Variants in CDH13 observed in about 807,000 individuals in gnomAD.
CDH13 encodes the protein cadherin-13.
CDH13 carries 24 observed loss-of-function variants against 63.8 expected under a neutral mutation model. The observed-to-expected ratio is 0.38, with a 90% CI of 0.27 to 0.53. CDH13 has a LOEUF of 0.53. Ranked by LOEUF, CDH13 falls within the 20% of genes least tolerant of loss-of-function variation. CDH13 has a pLI of 0.85. For missense variants in CDH13, 1,049 were observed against 903.1 expected (o/e 1.16, Z -2.07); for synonymous variants, 503 against 355.3 (o/e 1.42, Z -4.67).
chr16:83,559,021 G>C (rs556694227), intron 7 of CDH13, among the ~76,000 whole-genome samples: 3 of 152,260 alleles, frequency 2.0e-5, no homozygotes, highest in African/African-American at 7.2e-5. Context: ...AGTCATGCTG[G>C]AGCCCTCTCC....
intron 5 of CDH13, among the ~76,000 whole-genome samples, chr16:83,293,520 C>T (rs958614649): frequency 2.0e-5 from 3 of 152,128 alleles, no homozygotes; most frequent in Non-Finnish European, 4.4e-5. Context: ...TCTAGAATGT[C>T]GTCATCTTTA....
intron 5 of CDH13, among the ~76,000 whole-genome samples, chr16:83,240,120 A>G (rs1027168853): frequency 2.0e-5 from 3 of 152,116 alleles, no homozygotes; most frequent in South Asian, 2.1e-4. Context: ...GGCAAATCCT[A>G]TGGAAAGATT....
chr16:83,038,493 C>T (rs1300636403), intron 3 of CDH13, among the ~76,000 whole-genome samples: 3 of 152,116 alleles, frequency 2.0e-5, no homozygotes, highest in African/African-American at 7.2e-5. Flanking sequence ...TGAGGTTAAC[C>T]TTCCGTGCAC....
chr16:83,628,279 C>T (rs1235484050), intron 8 of CDH13, among the ~76,000 whole-genome samples: 1 of 152,120 alleles, frequency 6.6e-6, no homozygotes, highest in Admixed American at 6.5e-5. Flanking sequence ...GCTAATTTTG[C>T]ATATTTTTTG....
chr16:83,562,292 T>C (rs1468691985), intron 7 of CDH13, among the ~76,000 whole-genome samples: 1 of 152,150 alleles, frequency 6.6e-6, no homozygotes, highest in African/African-American at 2.4e-5. Flanking sequence ...TAAGAACTTT[T>C]CATCTTCCTG....
intron 5 of CDH13, among the ~76,000 whole-genome samples, chr16:83,271,447 A>AAAAAAAAAAAAAAAAAC (rs2088809938): frequency 7.3e-6 from 1 of 137,074 alleles, no homozygotes; most frequent in Non-Finnish European, 1.6e-5. Context: ...AAAAAAAAAA[A>AAAAAAAAAAAAAAAAAC]AAAAATTCAT....
chr16:82,801,783 A>G (rs954183730), intron 1 of CDH13, among the ~76,000 whole-genome samples: 3 of 152,232 alleles, frequency 2.0e-5, no homozygotes, highest in Non-Finnish European at 2.9e-5. Context: ...TGTTGAATCT[A>G]TACAGGTGTA....
At chr16:82,749,670 A>G (rs1417597662) in intron 1 of CDH13, among the ~76,000 whole-genome samples, 1 of 152,134 alleles carries the variant, frequency 6.6e-6, no homozygotes. Context: ...TTATGTATAT[A>G]TTTTCCTTGA....
At chr16:83,559,481 G>C (rs1283438566) in intron 7 of CDH13, among the ~76,000 whole-genome samples, 1 of 152,084 alleles carries the variant, frequency 6.6e-6, no homozygotes, top group African/African-American at 2.4e-5. Context: ...TGAGGTGGGA[G>C]AATCACTTGA....
chr16:83,717,882 CT>C (rs1278417585), intron 10 of CDH13: 13 of 152,198 alleles, frequency 8.5e-5, no homozygotes, highest in Admixed American at 8.5e-4. Flanking sequence ...CTGTGCTCTG[CT>C]TGCCTCTCCT....
intron 1 of CDH13, among the ~76,000 whole-genome samples, chr16:82,746,102 C>G (rs2318188): frequency 5.3e-5 from 8 of 151,450 alleles, no homozygotes; most frequent in Admixed American, 4.6e-4. Context: ...TTCTCTCTCT[C>G]TATATATACA....
Position 82,644,698 on chromosome 16 carries a change from G to T in CDH13, c.45+17561G>T, listed in dbSNP as rs1266361240. ...TTGAACTGGCTCTGGCTGGGACCCA[G>T]GCTCCCAGGTAGCCAGCTCCCAGGT... On this transcript the variant is annotated intron_variant, in intron 1 of 13. Transcript: ENST00000567109. This position sits in a 1 kb window ranked among gnomAD's most constrained non-coding sequence, Gnocchi z 5.7. Among the ~76,000 whole-genome samples, 1 of 152,180 alleles carries T rather than the reference G, an allele frequency of 6.6e-6. No homozygotes were observed. The highest frequency in any genetic ancestry group is 1.5e-5 in the Non-Finnish European group (1 of 68,032).
intron 4 of CDH13, among the ~76,000 whole-genome samples, chr16:83,217,047 T>A (rs2039557904): frequency 2.6e-5 from 4 of 152,134 alleles, no homozygotes; most frequent in Admixed American, 2.6e-4. Context: ...GAGTTAAAAA[T>A]AATAAAATGT....
intron 3 of CDH13, among the ~76,000 whole-genome samples, chr16:83,080,883 T>G (rs200408051): frequency 4.7e-4 from 43 of 90,928 alleles, no homozygotes; most frequent in Non-Finnish European, 7.9e-4. Context: ...TTTTTTTTTT[T>G]TTTTTTTTTT....
chr16:83,124,167 T>C (rs1184188130), intron 3 of CDH13, among the ~76,000 whole-genome samples: 2 of 152,152 alleles, frequency 1.3e-5, no homozygotes. Context: ...TGCCTCAGCC[T>C]CCCTAGTAGC....
At chr16:83,226,289 G>C (rs2039835914) in intron 5 of CDH13, among the ~76,000 whole-genome samples, 2 of 152,180 alleles carry the variant, frequency 1.3e-5, no homozygotes, top group Non-Finnish European at 2.9e-5. Context: ...TACATACCTG[G>C]ATTAGACTGC....
In CDH13 at chr16:83,203,854, C is replaced by T. The variant is rs144705612; in HGVS notation, c.484-13491C>T. Among the ~76,000 whole-genome samples the T allele has an allele frequency of 4.5e-3, 689 of 152,070 alleles. 5 individuals are homozygous for T. The highest frequency in any genetic ancestry group is 0.015 in the African/African-American group (632 of 41,472). On this transcript the variant is annotated intron_variant, in intron 4 of 13. Transcript: ENST00000567109. ...TAAGCATGTATAGTTCAACAGCATC[C>T]GAGGGCATGATTAATTTATTGTCCT...
At chr16:83,505,392 CT>C (rs1293422374) in intron 7 of CDH13, among the ~76,000 whole-genome samples, 1 of 152,150 alleles carries the variant, frequency 6.6e-6, no homozygotes, top group Non-Finnish European at 1.5e-5. Flanking sequence ...ATGCAGATTC[CT>C]CCCCCAGGAC....
At chr16:83,775,623 G>A (rs753586444) in intron 11 of CDH13, among the ~76,000 whole-genome samples, 3 of 151,894 alleles carry the variant, frequency 2.0e-5, no homozygotes, top group Non-Finnish European at 4.4e-5. Context: ...TTTCCCTATT[G>A]AAAGAGAAAA....
Sources: gnomAD v4.1 joint callset for allele counts (sites outside exome capture counted in the v4.1 genomes callset) on GRCh38, gnomAD v4.1.1 for gene constraint, Gnocchi (gnomAD v3.1) non-coding constraint, MANE v1.5 for transcripts, NCBI Gene and HGNC (gene_info 2026-07-23, HGNC 2026-07-21) for gene names.